Variants in RSRC1 observed in about 807,000 individuals in gnomAD.
The protein encoded by RSRC1 is arginine and serine rich coiled-coil 1, also known as serine/Arginine-related protein 53.
Under a neutral mutation model 49.1 loss-of-function variants are expected in RSRC1, and 39 were observed. That is an observed-to-expected ratio of 0.79 (90% CI 0.61 to 1.04). The LOEUF (loss-of-function observed/expected upper bound fraction) is 1.04. Among genes scored for constraint, RSRC1 ranks in the 50% least tolerant of loss-of-function variants. RSRC1 has a pLI of 0.00. For synonymous variants in RSRC1, 143 were observed against 130.8 expected (o/e 1.09, Z -0.63); for missense variants, 388 against 402.4 (o/e 0.96, Z 0.31).
In RSRC1 at chr3:158,450,626, A is replaced by G. The variant is rs535936334; in HGVS notation, c.584-10309A>G. On this transcript the variant is annotated intron_variant, in intron 6 of 9. Coordinates refer to ENST00000611884, the MANE Select transcript of RSRC1 (RefSeq NM_001271838.2). ...GAGGTACCTGAGGAGAGCTGATATT[A>G]TGACCATAGTTTTATAGTCTTTATA... 2.0e-4 allele frequency among the ~76,000 whole-genome samples: 30 copies of G among 152,042 alleles called. 1 individual carries two copies. In the South Asian group the frequency reaches 6.2e-3, roughly 31 times the overall value.
At chr3:158,352,903 A>T (rs151036515) in intron 5 of RSRC1, among the ~76,000 whole-genome samples, 139 of 152,320 alleles carry the variant, frequency 9.1e-4, no homozygotes, top group African/African-American at 3.2e-3. Context: ...TGATACCTGT[A>T]GACAGTTTAT....
intron 4 of RSRC1, among the ~76,000 whole-genome samples, chr3:158,256,635 A>G (rs1724577615): frequency 6.6e-6 from 1 of 152,182 alleles, no homozygotes; most frequent in African/African-American, 2.4e-5. Flanking sequence ...GAATGGTTTC[A>G]TAAGGAATGG....
intron 2 of RSRC1, among the ~76,000 whole-genome samples, chr3:158,123,449 C>G (rs919902035): frequency 6.6e-6 from 1 of 152,128 alleles, no homozygotes; most frequent in African/African-American, 2.4e-5. Flanking sequence ...TGCCACCATG[C>G]CTAGCTAAGT....
At chr3:158,388,465 G>C (rs949325150) in intron 6 of RSRC1, among the ~76,000 whole-genome samples, 21 of 151,996 alleles carry the variant, frequency 1.4e-4, no homozygotes, top group Non-Finnish European at 2.5e-4. Flanking sequence ...TTTTAAACAT[G>C]AGGAAATGAG....
rs1248698391 is a variant in RSRC1 at position 158,250,275 on chromosome 3, C to T, written c.494+47030C>T. On this transcript the variant is annotated intron_variant, in intron 4 of 9. Coordinates refer to ENST00000611884, the MANE Select transcript of RSRC1 (RefSeq NM_001271838.2). ...CTATTGTGAATAGTGCTGCAATAAA[C>T]GTGGGAGTGCAGATGATCTTGATAC... Among the ~76,000 whole-genome samples the T allele has an allele frequency of 2.6e-5, 4 of 152,132 alleles. 1 individual carries two copies. The highest frequency in any genetic ancestry group is 7.2e-5 in the African/African-American group (3 of 41,412).
At chr3:158,273,821 G>C (rs1725653312) in intron 4 of RSRC1, among the ~76,000 whole-genome samples, 1 of 152,120 alleles carries the variant, frequency 6.6e-6, no homozygotes, top group South Asian at 2.1e-4. Flanking sequence ...TCAATCTTTG[G>C]ATTCCATTCA....
At chr3:158,292,729 T>C (rs908671406) in intron 4 of RSRC1, among the ~76,000 whole-genome samples, 5 of 152,194 alleles carry the variant, frequency 3.3e-5, no homozygotes, top group African/African-American at 1.2e-4. Context: ...TTAGAATCAC[T>C]TTTAAGACTT....
At position 158,377,154 on chromosome 3, in the gene RSRC1, A is replaced by T. The variant is rs185215300; in HGVS notation, c.583+22246A>T. On this transcript the variant is annotated intron_variant, in intron 6 of 9. Transcript: ENST00000611884. ...TCAATATTTTCTCTTTATGGTTCTC[A>T]TTAGTTTGAATATGATGTGTTTCAG... Among the ~76,000 whole-genome samples the T allele has an allele frequency of 3.7e-4, 56 of 152,206 alleles. No homozygotes were observed. The East Asian group carries it at 0.011, about 29-fold the overall frequency.
chr3:158,236,603 T>G (rs1203159783), intron 4 of RSRC1, among the ~76,000 whole-genome samples: 1 of 152,224 alleles, frequency 6.6e-6, no homozygotes. Flanking sequence ...CAGCATAATG[T>G]TTGAGATTTA....
intron 4 of RSRC1, among the ~76,000 whole-genome samples, chr3:158,249,702 G>A (rs144276089): frequency 1.1e-4 from 17 of 151,674 alleles, no homozygotes; most frequent in Admixed American, 5.2e-4. Context: ...TTTGGGGCAC[G>A]TAGTAGGTTT....
At chr3:158,405,623 G>A (rs1734124972) in intron 6 of RSRC1, among the ~76,000 whole-genome samples, 1 of 152,124 alleles carries the variant, frequency 6.6e-6, no homozygotes, top group South Asian at 2.1e-4. Flanking sequence ...AAACAAAGTA[G>A]CAGATTGAAG....
chr3:158,434,019 G>T (rs1461224231), intron 6 of RSRC1, among the ~76,000 whole-genome samples: 1 of 151,904 alleles, frequency 6.6e-6, no homozygotes, highest in Non-Finnish European at 1.5e-5. Context: ...AAACTCCAAA[G>T]ACGTTAAAAC....
At chr3:158,327,881 G>A (rs1309018497) in intron 5 of RSRC1, among the ~76,000 whole-genome samples, 1 of 152,100 alleles carries the variant, frequency 6.6e-6, no homozygotes, top group Non-Finnish European at 1.5e-5. Context: ...CTCTTTGTAG[G>A]TCTCTAAGGA....
intron 6 of RSRC1, among the ~76,000 whole-genome samples, chr3:158,458,890 A>G (rs1737478884): frequency 6.6e-6 from 1 of 152,174 alleles, no homozygotes; most frequent in Non-Finnish European, 1.5e-5. Context: ...AAATCATAAT[A>G]TTATAAAGCA....
intron 4 of RSRC1, among the ~76,000 whole-genome samples, chr3:158,248,934 A>G (rs946406257): frequency 2.6e-5 from 4 of 152,174 alleles, no homozygotes; most frequent in African/African-American, 9.7e-5. Context: ...AGGTTGCTCC[A>G]TATACTTACC....
At chr3:158,120,011 A>G (rs1040520037) in intron 1 of RSRC1, among the ~76,000 whole-genome samples, 3 of 151,796 alleles carry the variant, frequency 2.0e-5, no homozygotes, top group Non-Finnish European at 2.9e-5. Flanking sequence ...TTGTGTTTTT[A>G]GTAGAGATGG....
intron 6 of RSRC1, among the ~76,000 whole-genome samples, chr3:158,432,629 GT>G (rs1328437781): frequency 7.9e-5 from 12 of 151,878 alleles, no homozygotes; most frequent in African/African-American, 2.7e-4. Flanking sequence ...AGCTTTCGTA[GT>G]TTTGAAAGAA....
intron 6 of RSRC1, among the ~76,000 whole-genome samples, chr3:158,391,692 G>A (rs1337656157): frequency 6.6e-6 from 1 of 152,044 alleles, no homozygotes; most frequent in Non-Finnish European, 1.5e-5. Flanking sequence ...AGATGTCAGG[G>A]AATGGAATCT....
intron 4 of RSRC1, among the ~76,000 whole-genome samples, chr3:158,249,758 C>T (rs938706406): frequency 1.3e-5 from 2 of 151,796 alleles, no homozygotes; most frequent in Non-Finnish European, 2.9e-5. Flanking sequence ...GTATATAAAG[C>T]GTAATAATCA....
Sources: allele counts gnomAD v4.1 joint callset (sites outside exome capture counted in the v4.1 genomes callset), GRCh38; gene constraint gnomAD v4.1.1; transcripts MANE v1.5; gene names NCBI Gene and HGNC (gene_info 2026-07-23, HGNC 2026-07-21).